The following COL23A1 variants were observed in gnomAD, a reference collection of about 807,000 sequenced individuals.
COL23A1 encodes the protein collagen alpha-1(XXIII) chain.
In COL23A1, 97 loss-of-function variants were observed where a neutral mutation model predicts 99.3. The observed-to-expected ratio is 0.98, with a 90% confidence interval of 0.83 to 1.16. COL23A1 has a LOEUF of 1.16. Ranked by LOEUF, COL23A1 falls within the 50% of genes most tolerant of loss-of-function variation. The pLI, the probability that COL23A1 is intolerant of heterozygous loss-of-function variation, is 0.00. For missense variants in COL23A1, 762 were observed against 757.4 expected, an observed-to-expected ratio of 1.01 and a Z score of -0.07; for synonymous variants, 320 against 308.2, an observed-to-expected ratio of 1.04 and a Z score of -0.40.
intron 2 of COL23A1, among the ~76,000 whole-genome samples, chr5:178,329,756 G>C (rs1045131410): frequency 2.0e-5 from 3 of 152,140 alleles, no homozygotes; most frequent in African/African-American, 4.8e-5. Flanking sequence ...GGCTAACATA[G>C]AGAAACCCCA....
At chr5:178,271,899 G>A (rs1304082740) in intron 5 of COL23A1, among the ~76,000 whole-genome samples, 1 of 152,204 alleles carries the variant, frequency 6.6e-6, no homozygotes, top group East Asian at 1.9e-4. Context: ...GAGCAGAGGG[G>A]CTGCACTAAC....
chr5:178,257,233 C>A (rs1238134477), intron 13 of COL23A1, among the ~76,000 whole-genome samples: 1 of 152,082 alleles, frequency 6.6e-6, no homozygotes, highest in Non-Finnish European at 1.5e-5. Flanking sequence ...GTTGGGGGAG[C>A]AAGGCATGAG....
intron 2 of COL23A1, among the ~76,000 whole-genome samples, chr5:178,534,782 A>G (rs1760844035): frequency 6.6e-6 from 1 of 152,048 alleles, no homozygotes; most frequent in Admixed American, 6.5e-5. Flanking sequence ...CCAAAAAACA[A>G]AAAAGAACAG....
chr5:178,290,992 A>T (rs1757426237), intron 3 of COL23A1, among the ~76,000 whole-genome samples: 1 of 152,142 alleles, frequency 6.6e-6, no homozygotes, highest in Non-Finnish European at 1.5e-5. Context: ...ATTGCATTTG[A>T]CCTTCCCAAC....
chr5:178,243,771 C>T (rs1764533075), intron 25 of COL23A1, among the ~76,000 whole-genome samples: 2 of 152,168 alleles, frequency 1.3e-5, no homozygotes, highest in Admixed American at 1.3e-4. Flanking sequence ...CTTTGAGATG[C>T]CACCCTGAGA....
intron 2 of COL23A1, among the ~76,000 whole-genome samples, chr5:178,379,636 C>T (rs1007378694): frequency 2.0e-5 from 3 of 152,116 alleles, no homozygotes; most frequent in Admixed American, 2.0e-4. Context: ...AATCCCAGGA[C>T]TTTGGGAGGC....
chr5:178,540,999 T>C (rs530393465), intron 2 of COL23A1, among the ~76,000 whole-genome samples: 7 of 152,350 alleles, frequency 4.6e-5, no homozygotes, highest in South Asian at 4.1e-4. Context: ...TTTAAGGGAA[T>C]TGTCAAACAT....
At chr5:178,401,820 C>CT (rs1764462578) in intron 2 of COL23A1, among the ~76,000 whole-genome samples, 1 of 152,070 alleles carries the variant, frequency 6.6e-6, no homozygotes, top group African/African-American at 2.4e-5. Context: ...TTGCCTTTGT[C>CT]TTTTTTTCTT....
chr5:178,358,671 A>ATGTGTGTGTATGTGTCTAATGTG, intron 2 of COL23A1, among the ~76,000 whole-genome samples: 1 of 144,894 alleles, frequency 6.9e-6, no homozygotes, highest in South Asian at 2.2e-4. Flanking sequence ...TATGTGTCTA[A>ATGTGTGTGTATGTGTCTAATGTG]TGTGTATGTG....
chr5:178,358,583 ATG>A (rs764844753), intron 2 of COL23A1, among the ~76,000 whole-genome samples: 2,132 of 139,604 alleles, frequency 0.015, 51 homozygotes, highest in African/African-American at 0.054. Flanking sequence ...GTGTATGTGT[ATG>A]TGTGTGTATG....
chr5:178,451,648 C>T (rs1208137685), intron 2 of COL23A1, among the ~76,000 whole-genome samples: 2 of 110,512 alleles, frequency 1.8e-5, no homozygotes, highest in African/African-American at 3.8e-5. Flanking sequence ...CAGAGCGAAA[C>T]TCCATCTCAA....
intron 5 of COL23A1, among the ~76,000 whole-genome samples, chr5:178,285,623 G>A (rs1757109387): frequency 6.6e-6 from 1 of 152,206 alleles, no homozygotes; most frequent in Admixed American, 6.5e-5. Flanking sequence ...CTCACACTCA[G>A]TTAACCCCGC....
At chr5:178,382,167 G>A (rs894100174) in intron 2 of COL23A1, among the ~76,000 whole-genome samples, 5 of 152,136 alleles carry the variant, frequency 3.3e-5, no homozygotes, top group African/African-American at 7.2e-5. Context: ...AGAGGCCGAC[G>A]CTCAGAGAGG....
chr5:178,259,728 C>G lies in COL23A1; in HGVS notation c.722G>C (p.Gly241Ala). ...PGPKGEPGVP[G>A]KKGDDGTPSQ... ...TCCATTGGCCCCTCTCACCTTCTTT[C>G]CAGGTACTCCAGGCTCACCCTGGGG... is the stretch of plus-strand genomic sequence containing the variant. The change falls in exon 12 of 29, where the codon GGA (glycine) becomes GCA (alanine). Residue 241 changes from glycine (G) to alanine (A), a missense_variant. By Grantham distance (60) the Gly-to-Ala change is moderately conservative. Coordinates refer to ENST00000390654, the MANE Select transcript of COL23A1 (RefSeq NM_173465.4). The G allele has an allele frequency of 6.2e-7, 1 of 1,601,252 alleles. No homozygotes were observed. Among genetic ancestry groups the G allele is most frequent in the Non-Finnish European group, 8.5e-7 (1 of 1,171,902 alleles).
intron 2 of COL23A1, among the ~76,000 whole-genome samples, chr5:178,312,198 G>C (rs1349424090): frequency 6.6e-6 from 1 of 152,156 alleles, no homozygotes; most frequent in African/African-American, 2.4e-5. Flanking sequence ...GAGCTTTCCC[G>C]TGTCCCTAAT....
chr5:178,555,712 G>C (rs943342148), intron 2 of COL23A1, among the ~76,000 whole-genome samples: 1 of 152,180 alleles, frequency 6.6e-6, no homozygotes, highest in African/African-American at 2.4e-5. Flanking sequence ...GGGACCACAG[G>C]GCAGTTATTT....
intron 3 of COL23A1, among the ~76,000 whole-genome samples, chr5:178,297,434 C>T (rs1757806085): frequency 6.6e-6 from 1 of 152,206 alleles, no homozygotes; most frequent in Admixed American, 6.5e-5. Context: ...AGAAGAATCG[C>T]TTGAACCTGG....
chr5:178,439,559 C>G lies in COL23A1; in HGVS notation c.361+121123G>C, dbSNP rs776453047. ...AGTCTCATCACATCTCTCCTCTGCTCAAATCCTCCAGCAGATGTGAAGACA... is the reference window on the plus strand; with the variant it reads ...AGTCTCATCACATCTCTCCTCTGCTGAAATCCTCCAGCAGATGTGAAGACA... On this transcript the variant is annotated intron_variant, in intron 2 of 28. Transcript: ENST00000390654. The surrounding 1 kb of genome is among the most constrained non-coding windows in gnomAD (Gnocchi z 4.2). The G allele has an allele frequency of 4.6e-5, 7 of 152,206 alleles. No individual in the cohort carries two copies. Among genetic ancestry groups the G allele is most frequent in the African/African-American group, 1.2e-4 (5 of 41,440 alleles). 9.4% of individuals were successfully genotyped at this position (152,206 alleles called of 1,614,324 possible). A position where few individuals can be genotyped will look rare whatever the true frequency, so the allele number is the denominator to read the frequency against.
chr5:178,314,850 C>T (rs1044580028), intron 2 of COL23A1, among the ~76,000 whole-genome samples: 5 of 152,114 alleles, frequency 3.3e-5, no homozygotes, highest in Non-Finnish European at 5.9e-5. Flanking sequence ...GGTAGAGTCA[C>T]GCAGTTCTGA....
Sources: allele counts gnomAD v4.1 joint callset (sites outside exome capture counted in the v4.1 genomes callset), GRCh38; gene constraint gnomAD v4.1.1; non-coding constraint Gnocchi (gnomAD v3.1); transcripts MANE v1.5; gene names NCBI Gene and HGNC (gene_info 2026-07-23, HGNC 2026-07-21).